The following SIK3 variants were observed in gnomAD, a reference collection of about 807,000 sequenced individuals.
The protein encoded by SIK3 is serine/threonine-protein kinase SIK3.
A neutral mutation model predicts 144.2 loss-of-function variants in SIK3; 28 were observed. The ratio of observed to expected loss-of-function variants is 0.19; its 90% CI spans 0.14 to 0.27. The LOEUF is 0.27. SIK3 is among the 10% of genes least tolerant of loss of function. SIK3 has a pLI of 1.00. For synonymous variants in SIK3, 686 were observed against 676.3 expected, an observed-to-expected ratio of 1.01 and a Z score of -0.22; for missense variants, 1,319 against 1,776.0, an observed-to-expected ratio of 0.74 and a Z score of 4.62.
Position 117,098,206 on chromosome 11 carries a change from G to A in SIK3, c.210C>T (p.Arg70=). The change falls in exon 1 of 25, where the codon CGC becomes CGT. Residue 70 remains arginine, a synonymous_variant. Coordinates refer to ENST00000445177, the MANE Select transcript of SIK3 (RefSeq NM_001366686.3). ...CCGCGAAGTTGCCCTTGCCGATGGT[G>A]CGGTCGATCTCGTAGTAGCCGATAC... ...PARIGYYEID[R]TIGKGNFAVV... 1 of 1,521,544 alleles carries A rather than the reference G, an allele frequency of 6.6e-7. No individual in the cohort carries two copies. Among genetic ancestry groups the A allele is most frequent in the East Asian group, 2.8e-5 (1 of 35,716 alleles). The allele number at this position is 1,521,544 out of a possible 1,614,324, so 94.3% of individuals were successfully genotyped here.
intron 1 of SIK3, among the ~76,000 whole-genome samples, chr11:116,963,644 CTG>C (rs1226146399): frequency 6.6e-6 from 1 of 152,128 alleles, no homozygotes; most frequent in African/African-American, 2.4e-5. Context: ...GAATCAAACT[CTG>C]AGAACAACTG....
chr11:117,086,379 C>G (rs1955005268), intron 1 of SIK3, among the ~76,000 whole-genome samples: 1 of 152,166 alleles, frequency 6.6e-6, no homozygotes, highest in South Asian at 2.1e-4. Context: ...CGCTGGTTTA[C>G]CAAAAAATAG....
intron 4 of SIK3, among the ~76,000 whole-genome samples, chr11:116,911,820 T>G (rs1256611101): frequency 1.3e-5 from 2 of 152,354 alleles, no homozygotes; most frequent in Middle Eastern, 6.8e-3. Flanking sequence ...TCTCAGGTAC[T>G]GATGCCGATA....
At chr11:117,073,023 G>A (rs1453263852) in intron 1 of SIK3, among the ~76,000 whole-genome samples, 1 of 152,046 alleles carries the variant, frequency 6.6e-6, no homozygotes, top group Non-Finnish European at 1.5e-5. Context: ...CAGTATACTT[G>A]GATCCTCCAG....
intron 1 of SIK3, among the ~76,000 whole-genome samples, chr11:117,067,543 C>T (rs890883611): frequency 1.3e-5 from 2 of 152,140 alleles, no homozygotes; most frequent in African/African-American, 4.8e-5. Flanking sequence ...GCAAACAGTG[C>T]TACTGTAACT....
At chr11:116,875,576 G>T in intron 9 of SIK3, 125 bp from the exon 10 acceptor site, 1 of 1,042,092 alleles carries the variant, frequency 9.6e-7, no homozygotes, top group Non-Finnish European at 1.4e-6. Flanking sequence ...TGGTTCATCG[G>T]CCCTTAGAAG....
chr11:116,873,586 G>A lies in SIK3; in HGVS notation c.1632C>T (p.Gly544=), dbSNP rs1453953952. The change falls in exon 13 of 25, where the codon GGC becomes GGT. Residue 544 remains glycine (G), a synonymous_variant. Coordinates refer to ENST00000445177, the MANE Select transcript of SIK3 (RefSeq NM_001366686.3). ...PPTLQLLNGM[G]PLGRRASDGG... ...CATCTGATGCCCTCCGGCCAAGGGGGCCCATTCCATTCAACAGCTGTAGCG... is the reference window on the plus strand; with the variant it reads ...CATCTGATGCCCTCCGGCCAAGGGGACCCATTCCATTCAACAGCTGTAGCG... 1.1e-5 allele frequency: 18 copies of A among 1,603,522 alleles called. No homozygotes were observed. Among genetic ancestry groups the A allele is most frequent in the Non-Finnish European group, 1.4e-5 (17 of 1,175,656 alleles).
chr11:116,941,973 G>T (rs1948330213), intron 3 of SIK3, among the ~76,000 whole-genome samples: 2 of 152,120 alleles, frequency 1.3e-5, no homozygotes, highest in Admixed American at 6.5e-5. Context: ...ATATAAGGCT[G>T]AATAGTATGC....
chr11:116,890,535 T>G (rs1462223635), intron 6 of SIK3, among the ~76,000 whole-genome samples: 1 of 152,232 alleles, frequency 6.6e-6, no homozygotes, highest in African/African-American at 2.4e-5. Context: ...TATTGACAGT[T>G]GTGAAAAAGA....
At position 116,946,858 on chromosome 11, in the gene SIK3, G is replaced by C. The variant is rs540207746; in HGVS notation, c.454+7186C>G. Among the ~76,000 whole-genome samples the C allele has an allele frequency of 2.8e-3, 421 of 152,130 alleles. 1 individual carries two copies. The highest frequency in any genetic ancestry group is 9.8e-3 in the African/African-American group (406 of 41,500). On this transcript the variant is annotated intron_variant, in intron 3 of 24. Transcript: ENST00000445177. ...AGGCCAGGAGCGTTGGCTCACGCCT[G>C]TAATCCCAGCACTTTGGGAGGCTGA...
intron 1 of SIK3, among the ~76,000 whole-genome samples, chr11:117,051,737 C>T (rs1021859955): frequency 1.6e-4 from 25 of 151,910 alleles, no homozygotes; most frequent in African/African-American, 5.8e-4. Flanking sequence ...ACATGTTGGC[C>T]GACCTGGTCT....
intron 1 of SIK3, among the ~76,000 whole-genome samples, chr11:117,038,458 G>A: frequency 3.3e-5 from 5 of 151,124 alleles, no homozygotes; most frequent in Admixed American, 6.6e-5. Context: ...CCAGGTTCAA[G>A]CGATTCTCCT....
intron 3 of SIK3, among the ~76,000 whole-genome samples, chr11:116,939,794 T>A (rs1358417189): frequency 6.6e-6 from 1 of 152,102 alleles, no homozygotes; most frequent in African/African-American, 2.4e-5. Flanking sequence ...TTTAAGACAA[T>A]CCAGTTTCTT....
chr11:116,907,984 A>ATT (rs1052529588), intron 4 of SIK3, among the ~76,000 whole-genome samples: 26 of 108,358 alleles, frequency 2.4e-4, no homozygotes, highest in African/African-American at 6.5e-4. Flanking sequence ...TCACGTTTTT[A>ATT]TTTAAAAAAA....
chr11:117,013,946 G>GTTTTTTTTTT (rs1951400067), intron 1 of SIK3, among the ~76,000 whole-genome samples: 1 of 60,378 alleles, frequency 1.7e-5, no homozygotes, highest in Non-Finnish European at 4.5e-5. Flanking sequence ...GTGTGTGTGT[G>GTTTTTTTTTT]TGTGTTTTAT....
chr11:116,948,700 C>T (rs1377987956), intron 3 of SIK3, among the ~76,000 whole-genome samples: 1 of 152,060 alleles, frequency 6.6e-6, no homozygotes, highest in Non-Finnish European at 1.5e-5. Flanking sequence ...TCAATGTTGT[C>T]GATTTTTTCA....
chr11:116,859,710 G>A, intron 19 of SIK3, 106 bp from the exon 20 acceptor site: 1 of 957,512 alleles, frequency 1.0e-6, no homozygotes, highest in South Asian at 1.7e-5. Context: ...CTAGAACAGT[G>A]CTTCTCAAAC....
intron 14 of SIK3, chr11:116,868,722 C>CA (rs1943789346): frequency 6.6e-6 from 1 of 152,372 alleles, no homozygotes; most frequent in South Asian, 2.1e-4. Flanking sequence ...GAAATAAAAC[C>CA]ACATGAAATG....
At chr11:117,073,557 T>A (rs372648549) in intron 1 of SIK3, among the ~76,000 whole-genome samples, 2 of 152,372 alleles carry the variant, frequency 1.3e-5, no homozygotes, top group East Asian at 1.9e-4. Context: ...AAACAATAGT[T>A]ACTTTGTAAA....
Sources: allele counts gnomAD v4.1 joint callset (sites outside exome capture counted in the v4.1 genomes callset), GRCh38; gene constraint gnomAD v4.1.1; transcripts MANE v1.5; gene names NCBI Gene and HGNC (gene_info 2026-07-23, HGNC 2026-07-21).